The following CACNA2D1 variants were observed in gnomAD, a reference collection of about 807,000 sequenced individuals.
CACNA2D1 encodes the protein calcium voltage-gated channel auxiliary subunit alpha2delta 1, also known as voltage-dependent calcium channel subunit alpha-2/delta-1.
A neutral mutation model predicts 171.5 loss-of-function variants in CACNA2D1; 53 were observed. That is an observed-to-expected ratio of 0.31 (90% CI 0.25 to 0.39). CACNA2D1 has a LOEUF of 0.39. Among genes scored for constraint, CACNA2D1 ranks in the 10% least tolerant of loss-of-function variants. The pLI is 1.00. For missense variants in CACNA2D1, 903 were observed against 1,299.8 expected (o/e 0.69, Z 4.69); for synonymous variants, 442 against 443.1 (o/e 1.00, Z 0.03).
intron 3 of CACNA2D1, among the ~76,000 whole-genome samples, chr7:82,233,098 C>T (rs1199795095): frequency 6.6e-6 from 1 of 151,944 alleles, no homozygotes; most frequent in Non-Finnish European, 1.5e-5. Context: ...AGATACTGTA[C>T]TTTTTCTGAC....
intron 3 of CACNA2D1, among the ~76,000 whole-genome samples, chr7:82,181,041 ATTTTTTTTTTTTTT>A (rs71093367): frequency 0.011 from 151 of 13,950 alleles, 2 homozygotes; most frequent in Middle Eastern, 0.045. Context: ...GGCATGTCGG[ATTTTTTTTTTTTTT>A]TTTTTTTTTT....
chr7:82,197,790 T>C (rs917933404), intron 3 of CACNA2D1, among the ~76,000 whole-genome samples: 1 of 143,280 alleles, frequency 7.0e-6, no homozygotes, highest in African/African-American at 2.5e-5. Flanking sequence ...CTCCTTCTAA[T>C]GTCTTTTTTA....
intron 1 of CACNA2D1, among the ~76,000 whole-genome samples, chr7:82,416,397 G>A (rs1047000966): frequency 6.6e-6 from 1 of 152,018 alleles, no homozygotes; most frequent in African/African-American, 2.4e-5. Context: ...GTTTGCTCAG[G>A]CTACCATAAC....
chr7:82,325,334 G>A (rs113771703), intron 3 of CACNA2D1, among the ~76,000 whole-genome samples: 5 of 152,246 alleles, frequency 3.3e-5, no homozygotes, highest in African/African-American at 7.2e-5. Flanking sequence ...AATTTTATTC[G>A]GTAGCTAAAC....
At chr7:82,329,238 T>G (rs1816998694) in intron 3 of CACNA2D1, among the ~76,000 whole-genome samples, 1 of 152,204 alleles carries the variant, frequency 6.6e-6, no homozygotes, top group Non-Finnish European at 1.5e-5. Flanking sequence ...CCTTTTTTTG[T>G]TATCTAATCA....
At chr7:82,180,726 G>A (rs1797035693) in intron 3 of CACNA2D1, among the ~76,000 whole-genome samples, 1 of 152,070 alleles carries the variant, frequency 6.6e-6, no homozygotes, top group Non-Finnish European at 1.5e-5. Context: ...TAAAACAGAA[G>A]AAATGCATTA....
At chr7:82,141,030 G>A (rs1007471176) in intron 4 of CACNA2D1, among the ~76,000 whole-genome samples, 1 of 150,754 alleles carries the variant, frequency 6.6e-6, no homozygotes, top group African/African-American at 2.5e-5. Context: ...GAATTATTTG[G>A]CTCAGAAACA....
At chr7:82,211,653 A>T (rs1029422603) in intron 3 of CACNA2D1, among the ~76,000 whole-genome samples, 7 of 152,224 alleles carry the variant, frequency 4.6e-5, no homozygotes, top group Non-Finnish European at 1.0e-4. Flanking sequence ...AATTGTGAAT[A>T]GCACCACAAT....
intron 11 of CACNA2D1, 91 bp from the exon 12 acceptor site, chr7:82,032,992 C>T: frequency 2.6e-6 from 2 of 756,180 alleles, no homozygotes; most frequent in South Asian, 2.9e-5. Context: ...GAGCAGGTTG[C>T]AAGTAATTAA....
At chr7:82,083,127 A>G (rs1810004291) in intron 7 of CACNA2D1, among the ~76,000 whole-genome samples, 2 of 151,572 alleles carry the variant, frequency 1.3e-5, no homozygotes, top group African/African-American at 2.4e-5. Context: ...ACTGCTCATT[A>G]TCATCCTAAT....
chr7:82,217,499 A>T (rs975306414), intron 3 of CACNA2D1, among the ~76,000 whole-genome samples: 10 of 148,598 alleles, frequency 6.7e-5, no homozygotes, highest in South Asian at 2.1e-4. Flanking sequence ...ATCCATTTCC[A>T]AAGTCAACTA....
intron 4 of CACNA2D1, among the ~76,000 whole-genome samples, chr7:82,159,638 T>G: frequency 6.7e-6 from 1 of 150,312 alleles, no homozygotes; most frequent in East Asian, 2.0e-4. Context: ...TGAAAGAAAA[T>G]AAAAGATAAA....
At chr7:82,337,630 C>T (rs1818153008) in intron 2 of CACNA2D1, among the ~76,000 whole-genome samples, 1 of 152,020 alleles carries the variant, frequency 6.6e-6, no homozygotes, top group Admixed American at 6.6e-5. Context: ...CAATTTCTTT[C>T]TCGAAGGAAA....
intron 36 of CACNA2D1, among the ~76,000 whole-genome samples, chr7:81,961,626 G>C (rs1794129392): frequency 6.6e-6 from 1 of 151,618 alleles, no homozygotes; most frequent in African/African-American, 2.4e-5. Flanking sequence ...AAAGAGAAAG[G>C]AATTATCTTG....
At chr7:82,270,812 C>T (rs1365688901) in intron 3 of CACNA2D1, among the ~76,000 whole-genome samples, 1 of 152,134 alleles carries the variant, frequency 6.6e-6, no homozygotes, top group Non-Finnish European at 1.5e-5. Flanking sequence ...CTATTAACCA[C>T]TTCTTTGGAT....
At position 81,947,524 on chromosome 7, in the gene CACNA2D1, A is replaced by G. The variant is rs1023327310; in HGVS notation, c.*2868T>C. 1.3e-5 allele frequency: 2 copies of G among 151,998 alleles called. No individual in the cohort carries two copies. The highest frequency in any genetic ancestry group is 4.8e-5 in the African/African-American group (2 of 41,448). 9.4% of individuals were successfully genotyped at this position (151,998 alleles called of 1,614,324 possible). A position where few individuals can be genotyped will look rare whatever the true frequency, so the allele number is the denominator to read the frequency against. On this transcript the variant is annotated 3_prime_UTR_variant, in exon 39 of 39. Transcript: ENST00000356860. ...AATGCTGGTTGTTTAAATGAGGAAA[A>G]TAAAAAGAAATCATTAATGCAAAAT...
chr7:81,987,871 G>C (rs1158496705), intron 21 of CACNA2D1, among the ~76,000 whole-genome samples: 1 of 152,030 alleles, frequency 6.6e-6, no homozygotes, highest in Non-Finnish European at 1.5e-5. Context: ...ATGTGTGAAG[G>C]GACTATCAGA....
At chr7:82,184,746 A>T (rs1797489772) in intron 3 of CACNA2D1, among the ~76,000 whole-genome samples, 1 of 152,224 alleles carries the variant, frequency 6.6e-6, no homozygotes, top group Non-Finnish European at 1.5e-5. Flanking sequence ...TCATGTTATT[A>T]AGAATAATGA....
intron 18 of CACNA2D1, among the ~76,000 whole-genome samples, chr7:82,005,053 G>T (rs1584371857): frequency 6.6e-6 from 1 of 152,024 alleles, no homozygotes; most frequent in East Asian, 1.9e-4. Flanking sequence ...TAGAAAATGT[G>T]GCCTGGACAT....
Sources: allele counts gnomAD v4.1 joint callset (sites outside exome capture counted in the v4.1 genomes callset), GRCh38; gene constraint gnomAD v4.1.1; transcripts MANE v1.5; gene names NCBI Gene and HGNC (gene_info 2026-07-23, HGNC 2026-07-21).